APOB: variants seen among roughly 807,000 people sequenced by gnomAD.
APOB encodes the protein apolipoprotein B.
APOB carries 153 observed loss-of-function variants against 314.1 expected under a neutral mutation model. That is an observed-to-expected ratio of 0.49 (90% CI 0.43 to 0.56). The LOEUF (loss-of-function observed/expected upper bound fraction) is 0.56. Among genes scored for constraint, APOB ranks in the 20% least tolerant of loss-of-function variants. APOB has a pLI of 0.00. For missense variants in APOB, 5,430 were observed against 5,350.7 expected, an observed-to-expected ratio of 1.01 and a Z score of -0.46; for synonymous variants, 2,087 against 2,036.4, an observed-to-expected ratio of 1.02 and a Z score of -0.67.
chr2:21,023,688 C>G lies in APOB; in HGVS notation c.2441G>C (p.Gly814Ala). Reference protein sequence around the residue: ...RTLQGIPQMIGEVIRKGSKND... With the variant: ...RTLQGIPQMIAEVIRKGSKND... ...CTTTGAGCCCTTCCTGATGACCTCT[C>G]CAATCTGTAGACCCAACAAGGGAGA... Residue 814 changes from glycine (G) to alanine (A), a missense_variant, in exon 17 of 29, where the codon GGA becomes GCA. Around this residue, in one of 3 missense-constraint regions of APOB, gnomAD observed 2,085 missense variants for 2,079.7 expected, o/e 1.00. Transcript: ENST00000233242. The G allele has an allele frequency of 6.2e-7, 1 of 1,609,304 alleles. No homozygotes were observed. The highest frequency in any genetic ancestry group is 8.5e-7 in the Non-Finnish European group (1 of 1,176,316).
Position 21,032,338 on chromosome 2 carries a change from C to T in APOB, c.1352+16G>A, listed in dbSNP as rs1274840568. 1.9e-6 allele frequency: 3 copies of T among 1,607,876 alleles called. No individual in the cohort carries two copies. Among genetic ancestry groups the T allele is most frequent in the Non-Finnish European group, 2.5e-6 (3 of 1,177,356 alleles). On this transcript the variant is annotated intron_variant, in intron 10 of 28. Transcript: ENST00000233242. ...TCCTCTGCTCCTAGGAGGAGAAATA[C>T]AGTGTGGAAACTCACTTGTTGACCG...
At chr2:21,017,843 ATGGGATTTTCTTCCTAGTTTAATTCTG>A (rs1663516018) in intron 20 of APOB, among the ~76,000 whole-genome samples, 1 of 152,188 alleles carries the variant, frequency 6.6e-6, no homozygotes, top group African/African-American at 2.4e-5. Flanking sequence ...GCTTTCTATC[ATGGGATTTTCTTCCTAGTTTAATTCTG>A]TGATATGCTA....
chr2:21,019,404 C>T (rs1663544814), intron 19 of APOB, among the ~76,000 whole-genome samples: 1 of 151,988 alleles, frequency 6.6e-6, no homozygotes, highest in African/African-American at 2.4e-5. Flanking sequence ...CAGGGAGCCA[C>T]CTAAGTACGG....
chr2:21,043,844 C>G lies in APOB; in HGVS notation c.82+20G>C, dbSNP rs777706979. 7.2e-6 allele frequency: 11 copies of G among 1,529,884 alleles called. No homozygotes were observed. The Admixed American group carries it at 2.1e-4, about 30-fold the overall frequency. 94.8% of individuals were successfully genotyped at this position (1,529,884 alleles called of 1,614,324 possible). A position where few individuals can be genotyped will look rare whatever the true frequency, so the allele number is the denominator to read the frequency against. On this transcript the variant is annotated intron_variant, in intron 1 of 28. Coordinates refer to ENST00000233242, the MANE Select transcript of APOB (RefSeq NM_000384.3). ...CTCCCTCCCGCTCCCTCTGCGCCCG[C>G]AGAGCGGCCGCGCACTCACCGGCCC...
chr2:21,033,563 C>T, intron 8 of APOB, 45 bp from the exon 9 acceptor site: 4 of 1,511,386 alleles, frequency 2.6e-6, no homozygotes, highest in Non-Finnish European at 3.7e-6. Flanking sequence ...TTCTTCATCT[C>T]AACCATATCT....
intron 7 of APOB, among the ~76,000 whole-genome samples, chr2:21,035,357 A>G (rs1663975919): frequency 6.6e-6 from 1 of 152,194 alleles, no homozygotes; most frequent in Non-Finnish European, 1.5e-5. Context: ...CAGCCCTTAA[A>G]GAATGGGTCT....
chr2:21,003,142 C>T lies in APOB; in HGVS notation c.12280G>A (p.Gly4094Arg), dbSNP rs372357954. The T allele has an allele frequency of 6.8e-6, 11 of 1,613,034 alleles. No homozygotes were observed. In the African/African-American group the frequency reaches 1.5e-4, roughly 22 times the overall value. Residue 4094 changes from glycine (G) to arginine (R), a missense_variant, in exon 29 of 29, where the codon GGG becomes AGG. Physicochemically the swap from Gly to Arg is moderately radical, Grantham distance 125. Transcript: ENST00000233242. ...YVNKYHWEHTGLTLREVSSKL... is the reference protein window; with the variant it reads ...YVNKYHWEHTRLTLREVSSKL... ...GAAGACACTTCTCTCAGGGTGAGCCCTGTGTGTTCCCAGTGGTACTTGTTG... is the reference window on the plus strand; with the variant it reads ...GAAGACACTTCTCTCAGGGTGAGCCTTGTGTGTTCCCAGTGGTACTTGTTG...
Position 21,014,570 on chromosome 2 carries a change from C to T in APOB, c.3720G>A (p.Lys1240=). Residue 1240 remains lysine (K), a synonymous_variant, in exon 24 of 29, where the codon AAG becomes AAA. Coordinates refer to ENST00000233242, the MANE Select transcript of APOB (RefSeq NM_000384.3). ...LIVAMSSWLQ[K]ASGSLPYTQT... ...GGGTATAAGGAAGACTCCCAGATGC[C>T]TTCTGAAGCCATGAGCTCATTGCCT... 2 of 1,614,024 alleles carry T rather than the reference C, an allele frequency of 1.2e-6. No individual in the cohort carries two copies. Among genetic ancestry groups the T allele is most frequent in the East Asian group, 2.2e-5 (1 of 44,866 alleles).
chr2:21,043,401 G>T, intron 2 of APOB, 112 bp downstream of exon 2: 1 of 1,276,608 alleles, frequency 7.8e-7, no homozygotes, highest in Non-Finnish European at 1.1e-6. Flanking sequence ...TCAGAGCAAG[G>T]CACACCACGA....
intron 3 of APOB, 23 bp downstream of exon 3, chr2:21,042,338 C>A (rs1473706903): frequency 3.8e-6 from 6 of 1,582,658 alleles, no homozygotes; most frequent in Non-Finnish European, 5.2e-6. Flanking sequence ...GCTCTAGGTC[C>A]CTCCTGCCTG....
chr2:21,037,826 G>T, intron 5 of APOB, 132 bp downstream of exon 5: 1 of 1,177,180 alleles, frequency 8.5e-7, no homozygotes, highest in Admixed American at 1.7e-5. Flanking sequence ...AGTATTTCAC[G>T]CCAATCCAGG....
Position 21,030,019 on chromosome 2 carries a change from C to T in APOB, c.1353-4G>A. ...TGTAGGGTTTGTCTTATGATAGCTACAGAATAAGAGAAGAGAGTCAGGACT... is the reference window on the plus strand; with the variant it reads ...TGTAGGGTTTGTCTTATGATAGCTATAGAATAAGAGAAGAGAGTCAGGACT... On this transcript the variant is annotated splice_polypyrimidine_tract_variant and splice_region_variant and intron_variant, in intron 10 of 28. Coordinates refer to ENST00000233242, the MANE Select transcript of APOB (RefSeq NM_000384.3). The T allele has an allele frequency of 6.4e-7, 1 of 1,570,666 alleles. No individual in the cohort carries two copies. Among genetic ancestry groups the T allele is most frequent in the Non-Finnish European group, 8.8e-7 (1 of 1,140,426 alleles).
chr2:21,043,682 G>C, intron 1 of APOB, 131 bp from the exon 2 acceptor site: 1 of 1,494,282 alleles, frequency 6.7e-7, no homozygotes, highest in Non-Finnish European at 9.1e-7. Context: ...CCCCTCCTCA[G>C]CCCCTCCATC....
chr2:21,027,181 G>A (rs1387270505), intron 14 of APOB, among the ~76,000 whole-genome samples: 2 of 152,136 alleles, frequency 1.3e-5, no homozygotes, highest in African/African-American at 4.8e-5. Context: ...CTAAGGTTCA[G>A]ATAGGACAAA....
In APOB at chr2:21,041,206, T is replaced by G. The variant is rs548513084; in HGVS notation, c.238-123A>C. 1.7e-3 allele frequency: 1,761 copies of G among 1,012,228 alleles called. 41 individuals are homozygous for G. In the South Asian group the frequency reaches 0.023, roughly 13 times the overall value. The allele number at this position is 1,012,228 out of a possible 1,614,324, so 62.7% of individuals were successfully genotyped here. On this transcript the variant is annotated intron_variant, in intron 3 of 28. Coordinates refer to ENST00000233242, the MANE Select transcript of APOB (RefSeq NM_000384.3). ...GAATGGTGCTGGGAACACCACTGCC[T>G]GCGCCTCAACACCACATGCCTTATC...
rs762035564 is a variant in APOB at position 21,002,276 on chromosome 2, C to A, written c.13146G>T (p.Met4382Ile). Residue 4382 changes from methionine (M) to isoleucine (I), a missense_variant, in exon 29 of 29, where the codon ATG becomes ATT. This residue lies in a region of APOB where 3,281 missense variants were observed against 3,171.0 expected (regional missense o/e 1.03). Coordinates refer to ENST00000233242, the MANE Select transcript of APOB (RefSeq NM_000384.3). ...QELQQIHQYIMALREEYFDPS... is the reference protein window; with the variant it reads ...QELQQIHQYIIALREEYFDPS... ...GATCAAAATATTCTTCACGAAGGGC[C>A]ATAATGTATTGATGGATCTGCTGTA... The A allele has an allele frequency of 1.2e-6, 2 of 1,613,818 alleles. No homozygotes were observed. The highest frequency in any genetic ancestry group is 2.7e-5 in the African/African-American group (2 of 74,910).
At chr2:21,022,260 G>T (rs1663629462) in intron 18 of APOB, among the ~76,000 whole-genome samples, 1 of 152,152 alleles carries the variant, frequency 6.6e-6, no homozygotes. Flanking sequence ...GAACCACCGT[G>T]GCTGGCCAAT....
rs1285077554 is a variant in APOB at position 21,015,425 on chromosome 2, G to T, written c.3453C>A (p.Asp1151Glu). ...TGGAGCCATAAGCTGTAGCAGATGA[G>T]TCCATTTGGAGAAGCAGTTTGGCAG... ...WSPAKLLLQM[D>E]SSATAYGSTV... The change falls in exon 22 of 29, where the codon GAC becomes GAA. Residue 1151 changes from aspartate (D) to glutamate (E), a missense_variant. Physicochemically the swap from Asp to Glu is conservative, Grantham distance 45. Around this residue, in one of 3 missense-constraint regions of APOB, gnomAD observed 2,085 missense variants for 2,079.7 expected, o/e 1.00. Coordinates refer to ENST00000233242, the MANE Select transcript of APOB (RefSeq NM_000384.3). 3 of 1,614,070 alleles carry T rather than the reference G, an allele frequency of 1.9e-6. No homozygotes were observed. Among genetic ancestry groups the T allele is most frequent in the Non-Finnish European group, 1.7e-6 (2 of 1,180,052 alleles).
intron 2 of APOB, 46 bp downstream of exon 2, chr2:21,043,467 G>C: frequency 3.2e-6 from 5 of 1,575,090 alleles, no homozygotes; most frequent in Non-Finnish European, 4.3e-6. Context: ...GTAGGAGAGT[G>C]CACGGGGCTG....
Sources: allele counts gnomAD v4.1 joint callset (sites outside exome capture counted in the v4.1 genomes callset), GRCh38; gene constraint gnomAD v4.1.1; regional missense constraint gnomAD v4.1.1; transcripts MANE v1.5; gene names NCBI Gene and HGNC (gene_info 2026-07-23, HGNC 2026-07-21).